The following ANO6 variants were observed in gnomAD, a reference collection of about 807,000 sequenced individuals.
ANO6 encodes anoctamin 6.
ANO6 carries 106 observed loss-of-function variants against 117.5 expected under a neutral mutation model. The observed-to-expected ratio is 0.90, with a 90% confidence interval of 0.77 to 1.06. The LOEUF is 1.06. ANO6 is among the 50% of genes least tolerant of loss of function. The pLI, the probability that ANO6 is intolerant of heterozygous loss-of-function variation, is 0.00. For synonymous variants in ANO6, 367 were observed against 385.1 expected (o/e 0.95, Z 0.55); for missense variants, 955 against 1,121.1 (o/e 0.85, Z 2.12).
chr12:45,424,471 G>A (rs1375998038), intron 19 of ANO6, among the ~76,000 whole-genome samples: 1 of 151,038 alleles, frequency 6.6e-6, no homozygotes, highest in Non-Finnish European at 1.5e-5. Context: ...CCAAGTACCT[G>A]GGACTACAGG....
At chr12:45,408,154 G>A (rs1447473425) in intron 15 of ANO6, among the ~76,000 whole-genome samples, 6 of 152,150 alleles carry the variant, frequency 3.9e-5, no homozygotes, top group Admixed American at 3.9e-4. Context: ...GAGAGGATGA[G>A]GGTCTGCCTG....
chr12:45,359,846 C>T (rs1243445775), intron 8 of ANO6, among the ~76,000 whole-genome samples: 1 of 152,142 alleles, frequency 6.6e-6, no homozygotes, highest in Non-Finnish European at 1.5e-5. Context: ...GTAGGTTTAA[C>T]ATTTTGAGGA....
At chr12:45,271,507 T>C (rs1192870677) in intron 1 of ANO6, among the ~76,000 whole-genome samples, 1 of 152,232 alleles carries the variant, frequency 6.6e-6, no homozygotes, top group Non-Finnish European at 1.5e-5. Flanking sequence ...TCTGTTAGTA[T>C]AGCTGAATTA....
At chr12:45,230,011 G>A (rs1947551441) in intron 1 of ANO6, among the ~76,000 whole-genome samples, 1 of 151,986 alleles carries the variant, frequency 6.6e-6, no homozygotes, top group African/African-American at 2.4e-5. Flanking sequence ...ATAATTATAA[G>A]GTAACATTAT....
intron 2 of ANO6, among the ~76,000 whole-genome samples, chr12:45,307,659 G>A (rs1316436811): frequency 2.0e-5 from 3 of 152,042 alleles, no homozygotes; most frequent in African/African-American, 4.8e-5. Flanking sequence ...GCCATGGGAC[G>A]AAATGAGAGC....
intron 1 of ANO6, among the ~76,000 whole-genome samples, chr12:45,262,919 C>T (rs1248148032): frequency 6.6e-6 from 1 of 152,138 alleles, no homozygotes; most frequent in Admixed American, 6.5e-5. Context: ...GGCTTTTGTC[C>T]TTCAGGACCT....
intron 1 of ANO6, among the ~76,000 whole-genome samples, chr12:45,241,237 C>T (rs912474679): frequency 6.6e-6 from 1 of 152,178 alleles, no homozygotes; most frequent in African/African-American, 2.4e-5. Flanking sequence ...TTCTTGGAGG[C>T]TTTGTTCGTT....
intron 12 of ANO6, among the ~76,000 whole-genome samples, chr12:45,393,128 T>A (rs1421981399): frequency 6.6e-6 from 1 of 152,100 alleles, no homozygotes; most frequent in Non-Finnish European, 1.5e-5. Context: ...CTAACTAGAA[T>A]AAACAATGTA....
chr12:45,291,437 CAAA>C lies in ANO6; in HGVS notation c.71-10569_71-10567del, dbSNP rs200636101. On this transcript the variant is annotated intron_variant, in intron 1 of 19. Coordinates refer to ENST00000320560, the MANE Select transcript of ANO6 (RefSeq NM_001025356.3). The stretch of plus-strand genomic sequence containing the variant: ...TTAGATATAACATCAAAAACATGAA[CAAA>C]AAAAAAATTAAAAATAGATAACGGG... 4.2e-5 allele frequency among the ~76,000 whole-genome samples: 5 copies of C among 119,600 alleles called. No individual in the cohort carries two copies. The East Asian group carries it at 1.1e-3, about 27-fold the overall frequency. 78.5% of individuals were successfully genotyped at this position (119,600 alleles called of 152,430 possible).
chr12:45,422,893 G>A (rs1294711318), intron 18 of ANO6, 64 bp from the exon 19 acceptor site: 2 of 1,234,972 alleles, frequency 1.6e-6, no homozygotes, highest in Non-Finnish European at 2.4e-6. Flanking sequence ...TTTAAATGGG[G>A]CCTTTGTTTA....
intron 10 of ANO6, among the ~76,000 whole-genome samples, chr12:45,387,166 T>A (rs1284733425): frequency 6.6e-6 from 1 of 152,190 alleles, no homozygotes; most frequent in East Asian, 1.9e-4. Flanking sequence ...AGGAAGGACT[T>A]AGGGTTCGCA....
chr12:45,297,184 A>C (rs763580325), intron 1 of ANO6, among the ~76,000 whole-genome samples: 7 of 152,090 alleles, frequency 4.6e-5, no homozygotes, highest in Non-Finnish European at 7.4e-5. Flanking sequence ...CTCTCTCTCT[A>C]TATATTCACT....
At position 45,348,167 on chromosome 12, in the gene ANO6, A is replaced by G. The variant is rs759740637; in HGVS notation, c.485A>G (p.Asn162Ser). 1.2e-6 allele frequency: 2 copies of G among 1,614,100 alleles called. No homozygotes were observed. Among genetic ancestry groups the G allele is most frequent in the Admixed American group, 1.7e-5 (1 of 60,004 alleles). The change falls in exon 5 of 20, where the codon AAC becomes AGC. Residue 162 changes from asparagine to serine, a missense_variant. Physicochemically the swap from Asn to Ser is conservative, Grantham distance 46. Transcript: ENST00000320560. ...KNRSSAFGTL[N>S]WFTKVLSVDE... Reference sequence around the variant, plus strand: ...CGGTCCTCAGCCTTTGGTACACTCAACTGGTTTACCAAAGTCCTCAGTGTA... The same window carrying G: ...CGGTCCTCAGCCTTTGGTACACTCAGCTGGTTTACCAAAGTCCTCAGTGTA...
intron 1 of ANO6, among the ~76,000 whole-genome samples, chr12:45,299,371 A>G (rs1289283450): frequency 2.0e-5 from 3 of 152,214 alleles, no homozygotes; most frequent in African/African-American, 7.2e-5. Context: ...CAGCTCTTCA[A>G]GCCTTTGCTC....
intron 10 of ANO6, among the ~76,000 whole-genome samples, chr12:45,380,692 G>A (rs373232087): frequency 3.3e-5 from 5 of 152,148 alleles, no homozygotes; most frequent in Non-Finnish European, 7.3e-5. Flanking sequence ...TGGAATAAAC[G>A]GCTGGGTGTG....
chr12:45,371,290 G>A (rs1593026280), intron 9 of ANO6, among the ~76,000 whole-genome samples: 2 of 152,296 alleles, frequency 1.3e-5, no homozygotes, highest in South Asian at 2.1e-4. Context: ...GGGGAGGGGC[G>A]CCCGCCATTG....
At chr12:45,436,297 T>C (rs1325256041), downstream of ANO6, among the ~76,000 whole-genome samples, 1 of 152,236 alleles carries the variant, frequency 6.6e-6, no homozygotes, top group Non-Finnish European at 1.5e-5. Flanking sequence ...CTGCCTGCCT[T>C]TGAGTCTCTG....
At chr12:45,241,359 G>A (rs1214429832) in intron 1 of ANO6, among the ~76,000 whole-genome samples, 2 of 152,076 alleles carry the variant, frequency 1.3e-5, no homozygotes, top group African/African-American at 4.8e-5. Flanking sequence ...TGAAGCTTCT[G>A]CATGCGTCAC....
In ANO6 at chr12:45,388,292, G is replaced by C; in HGVS notation, c.1297G>C (p.Glu433Gln). Residue 433 changes from glutamate to glutamine, a missense_variant, in exon 11 of 20, where the codon GAG becomes CAG. Glu to Gln is a conservative substitution (Grantham distance 29). Transcript: ENST00000320560. ...EARCTHVVIN[E>Q]ITQEEERIPF... ...ACGATGTACTCACGTAGTGATAAAT[G>C]AGATTACTCAGGTAAGCAGGGTCGT... is the stretch of plus-strand genomic sequence containing the variant. 6.2e-7 allele frequency: 1 copy of C among 1,614,034 alleles called. No homozygotes were observed. The highest frequency in any genetic ancestry group is 8.5e-7 in the Non-Finnish European group (1 of 1,179,916).
Sources: allele counts gnomAD v4.1 joint callset (sites outside exome capture counted in the v4.1 genomes callset), GRCh38; gene constraint gnomAD v4.1.1; transcripts MANE v1.5; gene names NCBI Gene and HGNC (gene_info 2026-07-23, HGNC 2026-07-21).